ASB3: variants seen among roughly 807,000 people sequenced by gnomAD.
ASB3 encodes the protein ankyrin repeat and SOCS box protein 3.
In ASB3, 41 loss-of-function variants were observed where a neutral mutation model predicts 54.5. The ratio of observed to expected loss-of-function variants is 0.75; its 90% CI spans 0.59 to 0.98. The LOEUF (loss-of-function observed/expected upper bound fraction) is 0.98. Among genes scored for constraint, ASB3 ranks in the 50% least tolerant of loss-of-function variants. The probability of loss-of-function intolerance (pLI) is 0.00; values close to 1 mark genes in which losing one functional copy is unlikely to be tolerated. For synonymous variants in ASB3, 266 were observed against 221.2 expected, an observed-to-expected ratio of 1.20 and a Z score of -1.80; for missense variants, 733 against 620.0, an observed-to-expected ratio of 1.18 and a Z score of -1.94.
chr2:53,757,458 G>T (rs537174274), intron 2 of ASB3, among the ~76,000 whole-genome samples: 1 of 152,208 alleles, frequency 6.6e-6, no homozygotes, highest in Non-Finnish European at 1.5e-5. Flanking sequence ...ACAGTCGCCC[G>T]TGCATGCACC....
At chr2:53,781,552 A>G (rs999724476) in intron 1 of ASB3, among the ~76,000 whole-genome samples, 20 of 152,052 alleles carry the variant, frequency 1.3e-4, no homozygotes, top group Non-Finnish European at 1.0e-4. Flanking sequence ...CTGGAGTACA[A>G]TGGCGCCATC....
intron 9 of ASB3, among the ~76,000 whole-genome samples, chr2:53,684,431 A>T (rs1048401087): frequency 6.6e-5 from 10 of 152,248 alleles, no homozygotes; most frequent in Admixed American, 3.9e-4. Flanking sequence ...TAATTCATGA[A>T]TAAAGGAGAT....
chr2:53,785,496 C>G (rs1305591793), intron 1 of ASB3, among the ~76,000 whole-genome samples: 1 of 152,166 alleles, frequency 6.6e-6, no homozygotes, highest in African/African-American at 2.4e-5. Flanking sequence ...TGTACAATCT[C>G]CCTGCCTAGA....
At chr2:53,716,540 G>A (rs1315315279) in intron 6 of ASB3, 26 bp downstream of exon 6, 2 of 1,600,984 alleles carry the variant, frequency 1.2e-6, no homozygotes, top group Admixed American at 1.7e-5. Flanking sequence ...AAGAGACCAT[G>A]TTTATTTTCT....
chr2:53,702,902 G>C (rs2103776724), intron 7 of ASB3, among the ~76,000 whole-genome samples: 1 of 152,270 alleles, frequency 6.6e-6, no homozygotes, highest in African/African-American at 2.4e-5. Flanking sequence ...AATTATAACA[G>C]GCCAAATAGT....
intron 5 of ASB3, among the ~76,000 whole-genome samples, chr2:53,722,438 G>A (rs1253462315): frequency 1.3e-5 from 2 of 152,122 alleles, no homozygotes; most frequent in East Asian, 3.8e-4. Context: ...CAAAATATTA[G>A]CAAATTAAAT....
Position 53,729,454 on chromosome 2 carries a change from T to C in ASB3, c.468+4A>G. 6.2e-7 allele frequency: 1 copy of C among 1,612,394 alleles called. No individual in the cohort carries two copies. Among genetic ancestry groups the C allele is most frequent in the Non-Finnish European group, 8.5e-7 (1 of 1,178,590 alleles). ...GGAAATGAAATAATAAATTCAGAGG[T>C]TACCTGAAAAGAAGCCTGGTGCAAG... On this transcript the variant is annotated splice_donor_region_variant and intron_variant, in intron 4 of 9. Coordinates refer to ENST00000263634, the MANE Select transcript of ASB3 (RefSeq NM_016115.5).
intron 8 of ASB3, 42 bp from the exon 9 acceptor site, chr2:53,694,056 T>C (rs750692967): frequency 5.0e-6 from 8 of 1,603,138 alleles, no homozygotes; most frequent in Non-Finnish European, 6.8e-6. Context: ...AAACAAAACA[T>C]GCCAAGGGTT....
At chr2:53,684,225 A>C (rs1054043513) in intron 9 of ASB3, among the ~76,000 whole-genome samples, 1 of 152,206 alleles carries the variant, frequency 6.6e-6, no homozygotes, top group Non-Finnish European at 1.5e-5. Context: ...CTCTTCACTG[A>C]AGACTTCTGC....
At chr2:53,670,755 T>C (rs1339445671) in intron 9 of ASB3, 65 bp from the exon 10 acceptor site, 3 of 1,515,734 alleles carry the variant, frequency 2.0e-6, no homozygotes, top group African/African-American at 2.8e-5. Flanking sequence ...CACATAAAGG[T>C]AAATTTTTTT....
At chr2:53,681,022 G>A (rs890546230) in intron 9 of ASB3, among the ~76,000 whole-genome samples, 1 of 152,064 alleles carries the variant, frequency 6.6e-6, no homozygotes, top group African/African-American at 2.4e-5. Flanking sequence ...TTACTATAAT[G>A]ACCTCCAGTT....
chr2:53,689,275 GCATTA>G (rs1476978455), intron 9 of ASB3, among the ~76,000 whole-genome samples: 1 of 152,142 alleles, frequency 6.6e-6, no homozygotes, highest in African/African-American at 2.4e-5. Context: ...CTGCACCAGA[GCATTA>G]CCATAAGGTT....
At chr2:53,741,402 A>G (rs891097413) in intron 3 of ASB3, among the ~76,000 whole-genome samples, 2 of 152,358 alleles carry the variant, frequency 1.3e-5, no homozygotes, top group Admixed American at 1.3e-4. Flanking sequence ...CAAGGTAAGA[A>G]GTTTTGAACA....
chr2:53,693,328 G>C (rs1478982335), intron 9 of ASB3, among the ~76,000 whole-genome samples: 1 of 152,068 alleles, frequency 6.6e-6, no homozygotes, highest in Non-Finnish European at 1.5e-5. Flanking sequence ...AGTGAGGTAA[G>C]TTGAAATTTT....
intron 1 of ASB3, 26 bp from the exon 2 acceptor site, chr2:53,765,611 A>G (rs200605250): frequency 2.5e-6 from 4 of 1,613,240 alleles, no homozygotes; most frequent in Non-Finnish European, 3.4e-6. Flanking sequence ...GAAGGATAAT[A>G]CTATAGTCAA....
At position 53,694,018 on chromosome 2, in the gene ASB3, T is replaced by C. The variant is rs1669054431; in HGVS notation, c.1239-4A>G. On this transcript the variant is annotated splice_region_variant and splice_polypyrimidine_tract_variant and intron_variant, in intron 8 of 9. Coordinates refer to ENST00000263634, the MANE Select transcript of ASB3 (RefSeq NM_016115.5). ...GTCAATGCTGACTGAGTCAATCCTA[T>C]GTTAGCAAGATGTTAATATAATATT... 4 of 1,612,740 alleles carry C rather than the reference T, an allele frequency of 2.5e-6. No homozygotes were observed. Among genetic ancestry groups the C allele is most frequent in the Non-Finnish European group, 3.4e-6 (4 of 1,179,160 alleles).
At chr2:53,779,062 T>C (rs1162576897) in intron 1 of ASB3, among the ~76,000 whole-genome samples, 3 of 152,222 alleles carry the variant, frequency 2.0e-5, no homozygotes, top group Admixed American at 1.3e-4. Context: ...TTCATCTGTT[T>C]GATAGTAGCC....
At chr2:53,697,765 T>C (rs1209933902) in intron 8 of ASB3, among the ~76,000 whole-genome samples, 4 of 152,186 alleles carry the variant, frequency 2.6e-5, no homozygotes, top group Non-Finnish European at 5.9e-5. Flanking sequence ...AAGATAATCT[T>C]CCCTGACTCC....
At chr2:53,732,793 A>G (rs1014175670) in intron 3 of ASB3, among the ~76,000 whole-genome samples, 1 of 152,222 alleles carries the variant, frequency 6.6e-6, no homozygotes, top group African/African-American at 2.4e-5. Flanking sequence ...AGCAAATTTA[A>G]TAGTTACTAA....
Sources: gnomAD v4.1 joint callset for allele counts (sites outside exome capture counted in the v4.1 genomes callset) on GRCh38, gnomAD v4.1.1 for gene constraint, MANE v1.5 for transcripts, NCBI Gene and HGNC (gene_info 2026-07-23, HGNC 2026-07-21) for gene names.